SLC35F5: variants seen among roughly 807,000 people sequenced by gnomAD.
The protein encoded by SLC35F5 is HCV NS5A-transactivated protein 3.
Under a neutral mutation model 68.6 loss-of-function variants are expected in SLC35F5, and 54 were observed. The observed-to-expected ratio is 0.79, with a 90% CI of 0.63 to 0.99. The LOEUF (loss-of-function observed/expected upper bound fraction) is 0.99, where lower values mean the gene tolerates loss of function less well. SLC35F5 is among the 50% of genes least tolerant of loss of function. SLC35F5 has a pLI of 0.00. For synonymous variants in SLC35F5, 211 were observed against 205.2 expected (o/e 1.03, Z -0.24); for missense variants, 567 against 626.9 (o/e 0.90, Z 1.02).
intron 4 of SLC35F5, among the ~76,000 whole-genome samples, chr2:113,748,778 C>A (rs1676618413): frequency 6.6e-6 from 1 of 152,064 alleles, no homozygotes; most frequent in Non-Finnish European, 1.5e-5. Flanking sequence ...GCAGGCTTCA[C>A]CTACATTTAA....
chr2:113,733,372 A>G (rs756711435), intron 9 of SLC35F5: 44 of 363,908 alleles, frequency 1.2e-4, no homozygotes, highest in Non-Finnish European at 2.1e-4. Flanking sequence ...TACAAGTTCA[A>G]TATTTTATAT....
At chr2:113,751,549 C>T (rs1676739339) in intron 3 of SLC35F5, among the ~76,000 whole-genome samples, 1 of 152,136 alleles carries the variant, frequency 6.6e-6, no homozygotes, top group African/African-American at 2.4e-5. Flanking sequence ...GTGGCTCACA[C>T]CTATAATCCC....
rs891372492 is a variant in SLC35F5 at position 113,713,060 on chromosome 2, C to T, written c.*2158G>A. The stretch of plus-strand genomic sequence containing the variant: ...GGTGCAGAAAGGAAGTCTTCAACTG[C>T]TCACTCACCATGGCTACAGTATTCA... On this transcript the variant is annotated 3_prime_UTR_variant, in exon 16 of 16. Transcript: ENST00000245680. 1 of 152,180 alleles carries T rather than the reference C, an allele frequency of 6.6e-6. No individual in the cohort carries two copies. The highest frequency in any genetic ancestry group is 2.4e-5 in the African/African-American group (1 of 41,438). The allele number at this position is 152,180 out of a possible 1,614,324, so 9.4% of individuals were successfully genotyped here.
In SLC35F5 at chr2:113,756,614, C is replaced by A; in HGVS notation, c.-205G>T. On this transcript the variant is annotated 5_prime_UTR_variant, in exon 1 of 16. Coordinates refer to ENST00000245680, the MANE Select transcript of SLC35F5 (RefSeq NM_025181.5). ...GGGTGAGGGGAAGGGACGGCACAGTCAGCTATGGCCGCGGAGGCCCGGAGA... is the reference window on the plus strand; with the variant it reads ...GGGTGAGGGGAAGGGACGGCACAGTAAGCTATGGCCGCGGAGGCCCGGAGA... 7.4e-7 allele frequency: 1 copy of A among 1,346,690 alleles called. No homozygotes were observed. The highest frequency in any genetic ancestry group is 1.6e-5 in the South Asian group (1 of 63,636). The allele number at this position is 1,346,690 out of a possible 1,614,324, so 83.4% of individuals were successfully genotyped here. A position where few individuals can be genotyped will look rare whatever the true frequency, so the allele number is the denominator to read the frequency against.
intron 14 of SLC35F5, among the ~76,000 whole-genome samples, chr2:113,718,261 T>A (rs560151307): frequency 3.3e-5 from 5 of 152,116 alleles, no homozygotes; most frequent in Non-Finnish European, 5.9e-5. Flanking sequence ...ATTTTTTTTT[T>A]AATTTTCTTA....
At chr2:113,743,598 G>T in intron 6 of SLC35F5, 115 bp downstream of exon 6, 1 of 696,428 alleles carries the variant, frequency 1.4e-6, no homozygotes, top group Non-Finnish European at 2.4e-6. Context: ...TATAGGCTGA[G>T]TCAAGACCAC....
In SLC35F5 at chr2:113,735,820, T is replaced by G; in HGVS notation, c.789A>C (p.Ser263=). The G allele has an allele frequency of 6.2e-7, 1 of 1,609,706 alleles. No individual in the cohort carries two copies. The highest frequency in any genetic ancestry group is 8.5e-7 in the Non-Finnish European group (1 of 1,178,386). ...TATTAACTATAGCAACTTGTGTGTCTGAAAGTGCTTCTTGATATGACAAAT... is the reference window on the plus strand; with the variant it reads ...TATTAACTATAGCAACTTGTGTGTCGGAAAGTGCTTCTTGATATGACAAAT... ...LANLSYQEAL[S]DTQVAIVNIL... Residue 263 remains serine, a synonymous_variant, in exon 8 of 16, where the codon TCA becomes TCC. Coordinates refer to ENST00000245680, the MANE Select transcript of SLC35F5 (RefSeq NM_025181.5).
At chr2:113,718,866 AAAG>A (rs1439170029) in intron 14 of SLC35F5, among the ~76,000 whole-genome samples, 431 of 13,130 alleles carry the variant, frequency 0.033, 6 homozygotes, top group African/African-American at 0.057. Context: ...AGAGAAAGAA[AAAG>A]AAAGAAAGAA....
chr2:113,730,229 TAATA>T (rs1183858990), intron 10 of SLC35F5, among the ~76,000 whole-genome samples: 1 of 152,252 alleles, frequency 6.6e-6, no homozygotes, highest in Admixed American at 6.5e-5. Flanking sequence ...AGTACATGAA[TAATA>T]AATACTGATT....
rs1263218206 is a variant in SLC35F5, at chr2:113,713,408, A to G, written c.*1810T>C. 2.0e-5 allele frequency: 3 copies of G among 152,170 alleles called. No homozygotes were observed. The highest frequency in any genetic ancestry group is 2.9e-5 in the Non-Finnish European group (2 of 68,032). The allele number at this position is 152,170 out of a possible 1,614,324, so 9.4% of individuals were successfully genotyped here. A position where few individuals can be genotyped will look rare whatever the true frequency, so the allele number is the denominator to read the frequency against. ...TAAGCTCAGCCTCTTTCCCTATAGT[A>G]TTTACAGAATAATTTTAAATTTCAG... On this transcript the variant is annotated 3_prime_UTR_variant, in exon 16 of 16. Coordinates refer to ENST00000245680, the MANE Select transcript of SLC35F5 (RefSeq NM_025181.5).
At chr2:113,718,917 GAA>G (rs1559318176) in intron 14 of SLC35F5, among the ~76,000 whole-genome samples, 122 of 75,554 alleles carry the variant, frequency 1.6e-3, no homozygotes, top group African/African-American at 4.0e-3. Flanking sequence ...AAGAAAGAAA[GAA>G]AGAAAGAAAA....
chr2:113,753,162 GTTTTTCTTTT>G (rs1559367673), intron 3 of SLC35F5, among the ~76,000 whole-genome samples: 3 of 50,550 alleles, frequency 5.9e-5, no homozygotes, highest in Non-Finnish European at 8.0e-5. Flanking sequence ...TCCAAAGTTT[GTTTTTCTTTT>G]TTTTTTTTTT....
chr2:113,718,068 A>T (rs1435241426), intron 14 of SLC35F5, among the ~76,000 whole-genome samples: 1 of 151,912 alleles, frequency 6.6e-6, no homozygotes, highest in Admixed American at 6.6e-5. Flanking sequence ...TTTTTAAATA[A>T]GAGATACGGT....
chr2:113,724,624 C>A (rs1342769605), intron 12 of SLC35F5, among the ~76,000 whole-genome samples: 6 of 152,092 alleles, frequency 3.9e-5, no homozygotes, highest in Non-Finnish European at 5.9e-5. Context: ...CTGTTGCAGT[C>A]TTTTGCAAGG....
intron 12 of SLC35F5, among the ~76,000 whole-genome samples, chr2:113,723,538 A>G (rs778032497): frequency 6.6e-6 from 1 of 152,212 alleles, no homozygotes; most frequent in Non-Finnish European, 1.5e-5. Flanking sequence ...TGATTTGTAG[A>G]TAACAAAGAA....
At chr2:113,734,741 T>A in intron 8 of SLC35F5, 68 bp from the exon 9 acceptor site, 2 of 942,298 alleles carry the variant, frequency 2.1e-6, no homozygotes, top group Non-Finnish European at 3.2e-6. Flanking sequence ...TACTACCAAC[T>A]TCATTGTTTA....
Position 113,746,277 on chromosome 2 carries a change from C to A in SLC35F5, c.480G>T (p.Leu160Phe). The A allele has an allele frequency of 6.2e-7, 1 of 1,612,368 alleles. No homozygotes were observed. The highest frequency in any genetic ancestry group is 1.1e-5 in the South Asian group (1 of 91,020). The change falls in exon 5 of 16, where the codon TTG (leucine) becomes TTT (phenylalanine). Residue 160 changes from leucine to phenylalanine, a missense_variant and splice_region_variant. By Grantham distance (22) the Leu-to-Phe change is conservative (BLOSUM62 0). Coordinates refer to ENST00000245680, the MANE Select transcript of SLC35F5 (RefSeq NM_025181.5). ...TCCTGACAAGAAAAGAAGCACTTACCAAAGAACTATTCATAGTTGTATCTG... is the reference window on the plus strand; with the variant it reads ...TCCTGACAAGAAAAGAAGCACTTACAAAAGAACTATTCATAGTTGTATCTG... ...CTTDTTMNSSLSEPLYVPVKF... is the reference protein window; with the variant it reads ...CTTDTTMNSSFSEPLYVPVKF...
chr2:113,719,034 T>TATAAG, intron 14 of SLC35F5, 120 bp downstream of exon 14: 1 of 868,370 alleles, frequency 1.2e-6, no homozygotes. Flanking sequence ...TGCCGTAACA[T>TATAAG]ATAAGTTATC....
chr2:113,742,337 T>C (rs2104461716), intron 7 of SLC35F5: 1 of 282,132 alleles, frequency 3.5e-6, no homozygotes, highest in African/African-American at 2.2e-5. Context: ...TATCTGGATA[T>C]TTACTAGCCT....
Sources: allele counts gnomAD v4.1 joint callset (sites outside exome capture counted in the v4.1 genomes callset), GRCh38; gene constraint gnomAD v4.1.1; transcripts MANE v1.5; gene names NCBI Gene and HGNC (gene_info 2026-07-23, HGNC 2026-07-21).